DNAI2: variants seen among roughly 807,000 people sequenced by gnomAD.
DNAI2 encodes dynein axonemal intermediate chain 2.
Under a neutral mutation model 74.7 loss-of-function variants are expected in DNAI2, and 63 were observed. The ratio of observed to expected loss-of-function variants is 0.84; its 90% confidence interval spans 0.69 to 1.04. The LOEUF (loss-of-function observed/expected upper bound fraction) is 1.04, where lower values mean the gene tolerates loss of function less well. Ranked by LOEUF, DNAI2 falls within the 50% of genes least tolerant of loss-of-function variation. The probability of loss-of-function intolerance (pLI) is 0.00; values close to 1 mark genes in which losing one functional copy is unlikely to be tolerated. For synonymous variants in DNAI2, 289 were observed against 314.9 expected, an observed-to-expected ratio of 0.92 and a Z score of 0.87; for missense variants, 688 against 803.2, an observed-to-expected ratio of 0.86 and a Z score of 1.73.
intron 1 of DNAI2, among the ~76,000 whole-genome samples, chr17:74,279,774 C>T (rs4789646): frequency 0.17 from 25,204 of 152,160 alleles, 2,807 homozygotes; most frequent in East Asian, 0.4. Flanking sequence ...AGTGATCCAC[C>T]GGCCTCGGCC....
At chr17:74,298,047 C>G (rs1422937689) in intron 6 of DNAI2, among the ~76,000 whole-genome samples, 1 of 152,200 alleles carries the variant, frequency 6.6e-6, no homozygotes, top group African/African-American at 2.4e-5. Flanking sequence ...ATAAACGTCC[C>G]TGCCAAACTA....
intron 1 of DNAI2, among the ~76,000 whole-genome samples, chr17:74,279,364 C>G (rs1264547393): frequency 6.6e-6 from 1 of 152,006 alleles, no homozygotes; most frequent in African/African-American, 2.4e-5. Context: ...AGGATAAATG[C>G]TTGAGGGGAT....
intron 2 of DNAI2, 138 bp from the exon 3 acceptor site, chr17:74,284,902 T>A (rs2051616510): frequency 9.0e-7 from 1 of 1,114,538 alleles, no homozygotes; most frequent in African/African-American, 1.5e-5. Context: ...CTTGCCTGCA[T>A]TTGAAAATAC....
At chr17:74,306,433 T>C (rs2053196494) in intron 9 of DNAI2, among the ~76,000 whole-genome samples, 3 of 152,138 alleles carry the variant, frequency 2.0e-5, no homozygotes, top group African/African-American at 7.2e-5. Context: ...ATGTGTATTG[T>C]GCATTGCATG....
intron 6 of DNAI2, among the ~76,000 whole-genome samples, chr17:74,294,003 G>T (rs759607286): frequency 4.0e-5 from 6 of 151,718 alleles, no homozygotes; most frequent in Non-Finnish European, 8.8e-5. Flanking sequence ...GGCTGATCTC[G>T]AACTCCTGGC....
intron 8 of DNAI2, among the ~76,000 whole-genome samples, chr17:74,302,171 C>T (rs992487509): frequency 6.6e-6 from 1 of 152,098 alleles, no homozygotes; most frequent in Non-Finnish European, 1.5e-5. Flanking sequence ...TGGCTCACAC[C>T]TGTAATCCCA....
intron 1 of DNAI2, among the ~76,000 whole-genome samples, chr17:74,275,587 T>A (rs1471243745): frequency 2.0e-5 from 3 of 152,008 alleles, no homozygotes; most frequent in African/African-American, 7.2e-5. Flanking sequence ...TCTGGCCGGG[T>A]GCAGTGGCTC....
chr17:74,313,156 C>G (rs542149351), intron 12 of DNAI2, among the ~76,000 whole-genome samples: 1 of 152,206 alleles, frequency 6.6e-6, no homozygotes, highest in Non-Finnish European at 1.5e-5. Context: ...CCACCCATGA[C>G]GCCTGCTTGA....
intron 12 of DNAI2, 53 bp from the exon 13 acceptor site, chr17:74,314,068 G>A: frequency 6.2e-7 from 1 of 1,612,670 alleles, no homozygotes; most frequent in South Asian, 1.1e-5. Context: ...AGGGGAGTGG[G>A]GAAGGCCTGT....
In DNAI2 at chr17:74,300,976, G is replaced by A; in HGVS notation, c.865-70G>A. On this transcript the variant is annotated intron_variant, in intron 7 of 13. Coordinates refer to ENST00000311014, the MANE Select transcript of DNAI2 (RefSeq NM_023036.6). This position sits in a 1 kb window ranked among gnomAD's most constrained non-coding sequence, Gnocchi z 4.5. ...GGCTGACCCCAGGACGGTGGGGTGA[G>A]GGCGGAGAAGGCAAAAGCCAGGGGA... 2 of 1,601,924 alleles carry A rather than the reference G, an allele frequency of 1.2e-6. No homozygotes were observed. The highest frequency in any genetic ancestry group is 1.7e-6 in the Non-Finnish European group (2 of 1,174,346).
At chr17:74,285,974 G>T (rs76791458) in intron 3 of DNAI2, among the ~76,000 whole-genome samples, 56,583 of 125,338 alleles carry the variant, frequency 0.45, 10,834 homozygotes, top group Middle Eastern at 0.52. Context: ...TATATATAGA[G>T]AGAGAGAGAG....
chr17:74,309,120 G>T, intron 9 of DNAI2, 133 bp from the exon 10 acceptor site: 1 of 892,202 alleles, frequency 1.1e-6, no homozygotes, highest in Non-Finnish European at 1.8e-6. Flanking sequence ...AGCACAGCTA[G>T]AAGTCAGACA....
intron 12 of DNAI2, among the ~76,000 whole-genome samples, 158 bp downstream of exon 12, chr17:74,312,388 C>T (rs1162732447): frequency 1.3e-5 from 2 of 152,064 alleles, no homozygotes; most frequent in African/African-American, 4.8e-5. Flanking sequence ...AGAATTATTC[C>T]CTTCCTTCCA....
At position 74,299,723 on chromosome 17, in the gene DNAI2, T is replaced by A; in HGVS notation, c.730T>A (p.Trp244Arg). ...TTCATCTCCTTCCTCACCAGCCTGC[T>A]GGGACACCCGAAAGGGCAGCCTGGT... is the stretch of plus-strand genomic sequence containing the variant. ...GGCYNGQIAC[W>R]DTRKGSLVAE... Residue 244 changes from tryptophan (W) to arginine (R), a missense_variant, in exon 7 of 14, where the codon TGG becomes AGG. Coordinates refer to ENST00000311014, the MANE Select transcript of DNAI2 (RefSeq NM_023036.6). The A allele has an allele frequency of 6.2e-7, 1 of 1,613,556 alleles. No homozygotes were observed. The highest frequency in any genetic ancestry group is 8.5e-7 in the Non-Finnish European group (1 of 1,180,022).
chr17:74,293,695 C>G (rs1399720585), intron 6 of DNAI2, among the ~76,000 whole-genome samples: 2 of 151,464 alleles, frequency 1.3e-5, no homozygotes, highest in Non-Finnish European at 2.9e-5. Flanking sequence ...CAGAGCGAGA[C>G]TCCATCTCAA....
intron 5 of DNAI2, among the ~76,000 whole-genome samples, chr17:74,290,593 C>T (rs1254223620): frequency 1.3e-5 from 2 of 152,132 alleles, no homozygotes; most frequent in East Asian, 1.9e-4. Context: ...AGCTAACGCC[C>T]GACATTCCAA....
intron 9 of DNAI2, among the ~76,000 whole-genome samples, chr17:74,306,470 TA>T (rs982551837): frequency 3.3e-5 from 5 of 152,056 alleles, no homozygotes; most frequent in South Asian, 2.1e-4. Flanking sequence ...TTTCTCTTGC[TA>T]AAAAAAACAT....
At chr17:74,290,093 A>G (rs1462946911) in intron 5 of DNAI2, among the ~76,000 whole-genome samples, 1 of 152,236 alleles carries the variant, frequency 6.6e-6, no homozygotes, top group Non-Finnish European at 1.5e-5. Flanking sequence ...AGGCAGGTGG[A>G]TCACCTGAAG....
chr17:74,307,279 G>A lies in DNAI2; in HGVS notation c.1211+1837G>A, dbSNP rs770299534. ...GCACCCATAGGCCTTTCGCAGGGCT[G>A]GTTCCTAGAGGGACTTGGTGGACCT... On this transcript the variant is annotated intron_variant, in intron 9 of 13. Transcript: ENST00000311014. 75 of 456,176 alleles carry A rather than the reference G, an allele frequency of 1.6e-4. 1 individual carries two copies. Among genetic ancestry groups the A allele is most frequent in the Non-Finnish European group, 3.1e-5 (7 of 226,966 alleles). The allele number at this position is 456,176 out of a possible 1,614,324, so 28.3% of individuals were successfully genotyped here.
Sources: allele counts gnomAD v4.1 joint callset (sites outside exome capture counted in the v4.1 genomes callset), GRCh38; gene constraint gnomAD v4.1.1; non-coding constraint Gnocchi (gnomAD v3.1); transcripts MANE v1.5; gene names NCBI Gene and HGNC (gene_info 2026-07-23, HGNC 2026-07-21).